The following SEMA4F variants were observed in gnomAD, a reference collection of about 807,000 sequenced individuals.
SEMA4F encodes the protein semaphorin-4F.
Under a neutral mutation model 78.4 loss-of-function variants are expected in SEMA4F, and 51 were observed. The ratio of observed to expected loss-of-function variants is 0.65; its 90% CI spans 0.52 to 0.82. The LOEUF (loss-of-function observed/expected upper bound fraction) is 0.82. Among genes scored for constraint, SEMA4F ranks in the 40% least tolerant of loss-of-function variants. SEMA4F has a pLI of 0.00. For missense variants in SEMA4F, 938 were observed against 1,014.4 expected (o/e 0.92, Z 1.02); for synonymous variants, 418 against 408.7 (o/e 1.02, Z -0.27).
chr2:74,668,496 A>G (rs748504876), intron 5 of SEMA4F, among the ~76,000 whole-genome samples: 1 of 152,180 alleles, frequency 6.6e-6, no homozygotes, highest in Non-Finnish European at 1.5e-5. Context: ...AGCTGGCTCA[A>G]TCCTTAAATA....
chr2:74,699,126 G>T, the SEMA4F span, among the ~76,000 whole-genome samples: 1 of 152,182 alleles, frequency 6.6e-6, no homozygotes, highest in South Asian at 2.1e-4. Context: ...TATTGAGGGA[G>T]TTTAAAGCCT....
At chr2:74,676,788 T>G (rs1221944873) in intron 12 of SEMA4F, among the ~76,000 whole-genome samples, 1 of 152,200 alleles carries the variant, frequency 6.6e-6, no homozygotes, top group Non-Finnish European at 1.5e-5. Context: ...TACCATCCAT[T>G]TTCCATTTAG....
intron 5 of SEMA4F, among the ~76,000 whole-genome samples, chr2:74,666,620 A>C (rs993198100): frequency 7.9e-5 from 12 of 152,184 alleles, no homozygotes; most frequent in Admixed American, 7.2e-4. Flanking sequence ...TATAATTTAA[A>C]AGTTTTTCCT....
intron 5 of SEMA4F, among the ~76,000 whole-genome samples, chr2:74,663,152 A>C (rs1004306850): frequency 6.6e-6 from 1 of 152,332 alleles, no homozygotes; most frequent in South Asian, 2.1e-4. Flanking sequence ...ATAAATTTGG[A>C]AAAAGTATAA....
chr2:74,660,999 AAAG>A (rs933285394), intron 4 of SEMA4F, among the ~76,000 whole-genome samples: 2 of 152,216 alleles, frequency 1.3e-5, no homozygotes, highest in African/African-American at 2.4e-5. Context: ...TGGGAGCTAG[AAAG>A]AAGAAGAAGG....
In SEMA4F at chr2:74,657,905, T is replaced by C; in HGVS notation, c.410T>C (p.Leu137Pro). The change falls in exon 4 of 14, where the codon CTC becomes CCC. Residue 137 changes from leucine (L) to proline (P), a missense_variant. Coordinates refer to ENST00000357877, the MANE Select transcript of SEMA4F (RefSeq NM_004263.5). ...CTCGCCATTGCCAATGCCTCTCACC[T>C]CCTCACTTGTGGCACCTTCGCTTTT... ...QILAIANASH[L>P]LTCGTFAFDP... 1 of 1,614,238 alleles carries C rather than the reference T, an allele frequency of 6.2e-7. No individual in the cohort carries two copies. The highest frequency in any genetic ancestry group is 8.5e-7 in the Non-Finnish European group (1 of 1,180,046).
chr2:74,708,046 T>C, the SEMA4F span, among the ~76,000 whole-genome samples: 1 of 152,056 alleles, frequency 6.6e-6, no homozygotes, highest in Non-Finnish European at 1.5e-5. Context: ...CCATGATTCC[T>C]GGGGCACTCA....
intron 5 of SEMA4F, among the ~76,000 whole-genome samples, chr2:74,667,934 C>T (rs1337400925): frequency 3.3e-5 from 5 of 152,208 alleles, no homozygotes; most frequent in Non-Finnish European, 7.3e-5. Context: ...GTACAGACCA[C>T]ACATCCAACT....
At chr2:74,698,547 G>C in the SEMA4F span, among the ~76,000 whole-genome samples, 3 of 152,164 alleles carry the variant, frequency 2.0e-5, no homozygotes, top group Non-Finnish European at 4.4e-5. Context: ...TGGTTGTCAG[G>C]CCATTTTACT....
At chr2:74,690,754 T>C in the SEMA4F span, among the ~76,000 whole-genome samples, 3 of 152,242 alleles carry the variant, frequency 2.0e-5, no homozygotes, top group African/African-American at 7.2e-5. Context: ...GCAGTATAGT[T>C]AGATGCAGTA....
At chr2:74,691,418 G>A in the SEMA4F span, among the ~76,000 whole-genome samples, 2 of 152,268 alleles carry the variant, frequency 1.3e-5, no homozygotes, top group South Asian at 4.1e-4. Context: ...GGCATCCTCG[G>A]GGAGCATGCT....
At chr2:74,661,725 C>T (rs1176601670) in intron 4 of SEMA4F, among the ~76,000 whole-genome samples, 1 of 152,150 alleles carries the variant, frequency 6.6e-6, no homozygotes, top group Non-Finnish European at 1.5e-5. Context: ...TCTTGTTTGC[C>T]ATCTAGAACA....
the SEMA4F span, among the ~76,000 whole-genome samples, chr2:74,692,766 G>A: frequency 6.6e-6 from 1 of 152,356 alleles, no homozygotes; most frequent in East Asian, 1.9e-4. Context: ...ACCAGGCAGA[G>A]CAGACCAGCT....
At chr2:74,663,998 C>T (rs34643471) in intron 5 of SEMA4F, among the ~76,000 whole-genome samples, 1 of 152,144 alleles carries the variant, frequency 6.6e-6, no homozygotes, top group Non-Finnish European at 1.5e-5. Context: ...CCTGTGATTC[C>T]TCAAGTGTGA....
At chr2:74,709,315 C>CGAT in the SEMA4F span, among the ~76,000 whole-genome samples, 1 of 152,174 alleles carries the variant, frequency 6.6e-6, no homozygotes. Context: ...GGAGGCATCA[C>CGAT]ACATTTTTCA....
downstream of SEMA4F, among the ~76,000 whole-genome samples, chr2:74,687,053 A>G (rs1685838399): frequency 6.6e-6 from 1 of 152,162 alleles, no homozygotes; most frequent in Non-Finnish European, 1.5e-5. Flanking sequence ...CCTTCCTATC[A>G]CTTCCCGTTA....
chr2:74,687,650 C>T (rs934136246), downstream of SEMA4F, among the ~76,000 whole-genome samples: 3 of 152,212 alleles, frequency 2.0e-5, no homozygotes, highest in Non-Finnish European at 1.5e-5. Flanking sequence ...GGTCAGTACT[C>T]CTGTAGGAGG....
intron 5 of SEMA4F, among the ~76,000 whole-genome samples, chr2:74,670,744 C>T (rs1227980500): frequency 6.6e-6 from 1 of 152,200 alleles, no homozygotes; most frequent in African/African-American, 2.4e-5. Context: ...CAAACTCTGG[C>T]CTCTGTGTCA....
chr2:74,691,961 G>T, the SEMA4F span, among the ~76,000 whole-genome samples: 5 of 152,274 alleles, frequency 3.3e-5, no homozygotes, highest in African/African-American at 1.2e-4. Flanking sequence ...TCCTGTCGGG[G>T]GTAACAGTGT....
Sources: gnomAD v4.1 joint callset for allele counts (sites outside exome capture counted in the v4.1 genomes callset) on GRCh38, gnomAD v4.1.1 for gene constraint, MANE v1.5 for transcripts, NCBI Gene and HGNC (gene_info 2026-07-23, HGNC 2026-07-21) for gene names.